The following TMEM132B variants were observed in gnomAD, a reference collection of about 807,000 sequenced individuals.
The protein encoded by TMEM132B is transmembrane protein 132B.
Under a neutral mutation model 90.8 loss-of-function variants are expected in TMEM132B, and 18 were observed. The ratio of observed to expected loss-of-function variants is 0.20; its 90% CI spans 0.14 to 0.29. The LOEUF is 0.29. TMEM132B is among the 10% of genes least tolerant of loss of function. TMEM132B has a pLI of 1.00. For synonymous variants in TMEM132B, 504 were observed against 523.3 expected (o/e 0.96, Z 0.50); for missense variants, 1,096 against 1,326.8 (o/e 0.83, Z 2.70).
chr12:125,289,625 G>T (rs1593071007), intron 1 of TMEM132B, among the ~76,000 whole-genome samples: 1 of 152,236 alleles, frequency 6.6e-6, no homozygotes, highest in East Asian at 1.9e-4. Flanking sequence ...ATGCTGGGCT[G>T]GTTCTAGCTG....
At chr12:125,276,906 A>G (rs1009056334) in intron 1 of TMEM132B, among the ~76,000 whole-genome samples, 3 of 152,354 alleles carry the variant, frequency 2.0e-5, no homozygotes, top group East Asian at 3.9e-4. Context: ...CTTCCCGGCA[A>G]TCCAATTTGG....
chr12:125,326,598 C>A, intron 1 of TMEM132B: 1 of 1,599,040 alleles, frequency 6.3e-7, no homozygotes. Context: ...TTGGTGCCCT[C>A]GCCTCAGCTC....
chr12:125,229,011 T>C (rs543350342), intron 1 of TMEM132B, among the ~76,000 whole-genome samples: 1 of 152,206 alleles, frequency 6.6e-6, no homozygotes, highest in Admixed American at 6.5e-5. Context: ...TAGAGCTGCA[T>C]AGCTATGGTG....
At chr12:125,501,984 G>A (rs753958692) in intron 3 of TMEM132B, among the ~76,000 whole-genome samples, 1 of 152,210 alleles carries the variant, frequency 6.6e-6, no homozygotes, top group Non-Finnish European at 1.5e-5. Context: ...GTATGTGCAC[G>A]TGTGTGTGTA....
At chr12:125,453,394 CACAA>C (rs1301305580) in intron 3 of TMEM132B, among the ~76,000 whole-genome samples, 1 of 152,134 alleles carries the variant, frequency 6.6e-6, no homozygotes, top group Non-Finnish European at 1.5e-5. Context: ...TCTGTCCATG[CACAA>C]ACATTTTGTC....
intron 2 of TMEM132B, among the ~76,000 whole-genome samples, chr12:125,367,105 G>A (rs1236862157): frequency 6.6e-6 from 1 of 152,104 alleles, no homozygotes; most frequent in East Asian, 1.9e-4. Flanking sequence ...GATGACAGTT[G>A]TAATTAGCAA....
intron 4 of TMEM132B, among the ~76,000 whole-genome samples, chr12:125,579,050 T>C (rs1884994938): frequency 6.6e-6 from 1 of 152,174 alleles, no homozygotes. Context: ...CTCTGCCTCC[T>C]TTTCTTCTGG....
intron 1 of TMEM132B, among the ~76,000 whole-genome samples, chr12:125,250,484 C>T (rs1874293904): frequency 6.6e-6 from 1 of 152,156 alleles, no homozygotes; most frequent in Non-Finnish European, 1.5e-5. Flanking sequence ...TCATCGTGTC[C>T]CCTTCCCCTC....
At chr12:125,584,108 G>T (rs1159835830) in intron 5 of TMEM132B, 114 bp downstream of exon 5, 2 of 1,503,136 alleles carry the variant, frequency 1.3e-6, no homozygotes, top group Non-Finnish European at 9.2e-7. Context: ...AGGGCTGGAG[G>T]CCAGAATGAC....
chr12:125,550,679 C>G (rs1299159150), intron 4 of TMEM132B, among the ~76,000 whole-genome samples: 3 of 152,200 alleles, frequency 2.0e-5, no homozygotes, highest in Non-Finnish European at 2.9e-5. Flanking sequence ...TTAAGTGTAT[C>G]TAAGAGTAAC....
At chr12:125,635,355 T>C (rs1382405009) in intron 5 of TMEM132B, among the ~76,000 whole-genome samples, 3 of 151,144 alleles carry the variant, frequency 2.0e-5, no homozygotes, top group Non-Finnish European at 4.4e-5. Context: ...TGTATGCTCA[T>C]TGTTCAACTC....
At position 125,550,759 on chromosome 12, in the gene TMEM132B, A is replaced by C. The variant is rs76786581; in HGVS notation, c.1293+31134A>C. Among the ~76,000 whole-genome samples the C allele has an allele frequency of 3.4e-3, 523 of 152,246 alleles. 3 individuals are homozygous for C. The highest frequency in any genetic ancestry group is 0.012 in the African/African-American group (500 of 41,528). On this transcript the variant is annotated intron_variant, in intron 4 of 8. Coordinates refer to ENST00000682704, the MANE Select transcript of TMEM132B (RefSeq NM_001366854.1). ...GTTCTTCTTCCCTAGTGGGCTTCAG[A>C]ATCACTAGGGAAGCTAGTTTATTTA...
intron 1 of TMEM132B, among the ~76,000 whole-genome samples, chr12:125,292,255 A>G (rs1327014679): frequency 6.6e-6 from 1 of 152,214 alleles, no homozygotes; most frequent in Non-Finnish European, 1.5e-5. Flanking sequence ...TGTTGCTTAG[A>G]AACACCTTTA....
chr12:125,245,398 A>G (rs1224596149), intron 1 of TMEM132B, among the ~76,000 whole-genome samples: 6 of 126,026 alleles, frequency 4.8e-5, no homozygotes, highest in African/African-American at 1.2e-4. Context: ...CTGCAGGTTG[A>G]TCCTGGTCAC....
In TMEM132B at chr12:125,602,650, A is replaced by G. The variant is rs7976492; in HGVS notation, c.1437+18656A>G. Among the ~76,000 whole-genome samples the G allele has an allele frequency of 3.7e-3, 565 of 152,350 alleles. 3 individuals carry two copies. The highest frequency in any genetic ancestry group is 0.013 in the African/African-American group (523 of 41,582). On this transcript the variant is annotated intron_variant, in intron 5 of 8. Transcript: ENST00000682704. ...AAAAGAAAGAAATAAAGCGTATTCA[A>G]ATAGGAAGAGAGGAAGTCAAATTGT...
At chr12:125,314,010 C>A (rs896580854) in intron 1 of TMEM132B, among the ~76,000 whole-genome samples, 1 of 151,946 alleles carries the variant, frequency 6.6e-6, no homozygotes, top group Non-Finnish European at 1.5e-5. Context: ...ACAGATTGAA[C>A]TCAAATCATC....
intron 1 of TMEM132B, among the ~76,000 whole-genome samples, chr12:125,344,660 A>T (rs1203015927): frequency 1.3e-5 from 2 of 152,106 alleles, no homozygotes; most frequent in Non-Finnish European, 2.9e-5. Flanking sequence ...ACACACGTGG[A>T]AGGAGAGAGC....
At position 125,277,631 on chromosome 12, in the gene TMEM132B, A is replaced by G. The variant is rs1243313310; in HGVS notation, c.68-71821A>G. On this transcript the variant is annotated intron_variant, in intron 1 of 8. Coordinates refer to ENST00000682704, the MANE Select transcript of TMEM132B (RefSeq NM_001366854.1). This position sits in a 1 kb window ranked among gnomAD's most constrained non-coding sequence, Gnocchi z 4.3. Reference sequence around the variant, plus strand: ...AGGGTTTCCAGCGACCCCAGAGGCAAAGAGAAAGGCGTAGAACCTCTCCAG... The same window carrying G: ...AGGGTTTCCAGCGACCCCAGAGGCAGAGAGAAAGGCGTAGAACCTCTCCAG... Among the ~76,000 whole-genome samples the G allele has an allele frequency of 6.6e-6, 1 of 151,982 alleles. No individual in the cohort carries two copies. Among genetic ancestry groups the G allele is most frequent in the African/African-American group, 2.4e-5 (1 of 41,372 alleles).
In TMEM132B at chr12:125,295,315, T is replaced by A. The variant is rs56715306; in HGVS notation, c.68-54137T>A. ...TTCTTCCAGCCAGGGATCTATGAGA[T>A]GTTCGAGGGAAGGTCTGTGAGCGTC... On this transcript the variant is annotated intron_variant, in intron 1 of 8. Coordinates refer to ENST00000682704, the MANE Select transcript of TMEM132B (RefSeq NM_001366854.1). Among the ~76,000 whole-genome samples, 1,385 of 152,244 alleles carry A rather than the reference T, an allele frequency of 9.1e-3. 22 individuals are homozygous for A. Among genetic ancestry groups the A allele is most frequent in the African/African-American group, 0.032 (1,331 of 41,540 alleles).
Sources: allele counts gnomAD v4.1 joint callset (sites outside exome capture counted in the v4.1 genomes callset), GRCh38; gene constraint gnomAD v4.1.1; non-coding constraint Gnocchi (gnomAD v3.1); transcripts MANE v1.5; gene names NCBI Gene and HGNC (gene_info 2026-07-23, HGNC 2026-07-21).